Variants in HHAT observed in about 807,000 individuals in gnomAD.
HHAT encodes hedgehog acyltransferase, also known as protein-cysteine N-palmitoyltransferase HHAT.
HHAT carries 47 observed loss-of-function variants against 70.8 expected under a neutral mutation model. The ratio of observed to expected loss-of-function variants is 0.66; its 90% CI spans 0.53 to 0.85. The LOEUF is 0.85. Ranked by LOEUF, HHAT falls within the 40% of genes least tolerant of loss-of-function variation. The pLI is 0.00. For synonymous variants in HHAT, 228 were observed against 247.6 expected, an observed-to-expected ratio of 0.92 and a Z score of 0.74; for missense variants, 609 against 604.8, an observed-to-expected ratio of 1.01 and a Z score of -0.07.
chr1:210,581,240 G>A (rs975405965), intron 9 of HHAT, among the ~76,000 whole-genome samples: 1 of 152,162 alleles, frequency 6.6e-6, no homozygotes, highest in Admixed American at 6.5e-5. Context: ...GTTGTCAGAT[G>A]GGTAGATTGT....
chr1:210,499,619 G>A (rs368035309), intron 8 of HHAT, among the ~76,000 whole-genome samples: 37 of 149,082 alleles, frequency 2.5e-4, no homozygotes, highest in African/African-American at 9.1e-4. Context: ...CTCCAACCTG[G>A]GTGACAAAGA....
chr1:210,389,148 T>G (rs980732889), intron 4 of HHAT, among the ~76,000 whole-genome samples: 20 of 151,738 alleles, frequency 1.3e-4, no homozygotes, highest in African/African-American at 4.8e-4. Context: ...GAAAAGGAAT[T>G]TATACAGTTA....
intron 7 of HHAT, 83 bp from the exon 8 acceptor site, chr1:210,464,422 G>GCATA: frequency 7.2e-7 from 1 of 1,386,016 alleles, no homozygotes; most frequent in Admixed American, 1.7e-5. Context: ...GGGGCAGTTG[G>GCATA]CATAGCTCCT....
intron 11 of HHAT, among the ~76,000 whole-genome samples, chr1:210,627,009 G>A (rs1235123277): frequency 1.3e-5 from 2 of 152,144 alleles, no homozygotes; most frequent in African/African-American, 2.4e-5. Context: ...AGAGTGAAGC[G>A]AGTGAGAACG....
At chr1:210,629,560 T>C (rs1397985037) in intron 11 of HHAT, among the ~76,000 whole-genome samples, 1 of 152,224 alleles carries the variant, frequency 6.6e-6, no homozygotes, top group Non-Finnish European at 1.5e-5. Context: ...TTTATTTTTC[T>C]TACAGTTCCG....
intron 11 of HHAT, among the ~76,000 whole-genome samples, chr1:210,666,468 T>C (rs12126077): frequency 1.6e-3 from 249 of 152,234 alleles, no homozygotes; most frequent in Middle Eastern, 0.014. Context: ...CGAAGGTCCA[T>C]CATTATTTTA....
chr1:210,535,683 G>A (rs1035010136), intron 9 of HHAT, among the ~76,000 whole-genome samples: 3 of 152,064 alleles, frequency 2.0e-5, no homozygotes, highest in African/African-American at 4.8e-5. Context: ...GTGTGCATGC[G>A]TGCATGCATG....
chr1:210,414,607 AT>A (rs1042315588), intron 6 of HHAT, among the ~76,000 whole-genome samples: 6 of 152,206 alleles, frequency 3.9e-5, no homozygotes, highest in Non-Finnish European at 7.3e-5. Flanking sequence ...GATGCCAGGC[AT>A]TTGGAGAAGC....
At chr1:210,659,217 GA>G (rs1677116219) in intron 11 of HHAT, among the ~76,000 whole-genome samples, 1 of 152,012 alleles carries the variant, frequency 6.6e-6, no homozygotes, top group Admixed American at 6.6e-5. Flanking sequence ...GAAAACAGAA[GA>G]ATCAAATAGA....
rs1053153584 is a variant in HHAT, at chr1:210,438,270, T to C, written c.856+19945T>C. Among the ~76,000 whole-genome samples the C allele has an allele frequency of 5.3e-5, 8 of 151,818 alleles. 1 individual carries two copies. Among genetic ancestry groups the C allele is most frequent in the African/African-American group, 9.7e-5 (4 of 41,116 alleles). ...GGCTAGGTGGATCAGATAACTCTAG[T>C]TGATAATGGACCACTCAGGTAACAT... On this transcript the variant is annotated intron_variant, in intron 7 of 11. Transcript: ENST00000261458.
chr1:210,410,470 C>T (rs1039852621), intron 6 of HHAT, among the ~76,000 whole-genome samples: 1 of 141,734 alleles, frequency 7.1e-6, no homozygotes, highest in African/African-American at 2.7e-5. Context: ...TAAGTAAAAG[C>T]AAATAGAATG....
At chr1:210,328,897 C>T, upstream of HHAT, 1 of 726,738 alleles carries the variant, frequency 1.4e-6, no homozygotes, top group Non-Finnish European at 1.9e-6. Context: ...GCGCGGAGGG[C>T]GCGCGGGCAC....
intron 10 of HHAT, among the ~76,000 whole-genome samples, chr1:210,616,247 A>G (rs990724667): frequency 4.6e-5 from 7 of 152,048 alleles, no homozygotes; most frequent in African/African-American, 1.7e-4. Context: ...GTTATTAACT[A>G]TATAGTCACT....
At chr1:210,348,249 A>T (rs2086689209) in intron 1 of HHAT, among the ~76,000 whole-genome samples, 1 of 152,108 alleles carries the variant, frequency 6.6e-6, no homozygotes, top group African/African-American at 2.4e-5. Flanking sequence ...CATGGCAGAC[A>T]GCTGATTTTA....
chr1:210,561,800 A>G (rs2095625037), intron 9 of HHAT, among the ~76,000 whole-genome samples: 1 of 152,182 alleles, frequency 6.6e-6, no homozygotes, highest in Non-Finnish European at 1.5e-5. Context: ...AACATTTAAA[A>G]TCAATTCTTC....
At chr1:210,445,099 A>G (rs552667785) in intron 7 of HHAT, among the ~76,000 whole-genome samples, 1 of 152,314 alleles carries the variant, frequency 6.6e-6, no homozygotes, top group East Asian at 1.9e-4. Context: ...CGGCCTCCCA[A>G]AGTGCTGGGA....
chr1:210,420,472 G>A (rs140108656), intron 7 of HHAT, among the ~76,000 whole-genome samples: 4 of 152,062 alleles, frequency 2.6e-5, no homozygotes, highest in Non-Finnish European at 5.9e-5. Flanking sequence ...GAGCTCATGT[G>A]TAAGGGTTTC....
At chr1:210,663,205 A>G (rs1485513029) in intron 11 of HHAT, among the ~76,000 whole-genome samples, 1 of 152,204 alleles carries the variant, frequency 6.6e-6, no homozygotes, top group Non-Finnish European at 1.5e-5. Context: ...CACAGCGACA[A>G]GAAAGGGCGG....
intron 9 of HHAT, among the ~76,000 whole-genome samples, chr1:210,572,968 T>C (rs939118258): frequency 6.6e-6 from 1 of 152,174 alleles, no homozygotes; most frequent in Non-Finnish European, 1.5e-5. Context: ...GTTAACTTCA[T>C]GGCAGCAGAG....
Sources: gnomAD v4.1 joint callset for allele counts (sites outside exome capture counted in the v4.1 genomes callset) on GRCh38, gnomAD v4.1.1 for gene constraint, MANE v1.5 for transcripts, NCBI Gene and HGNC (gene_info 2026-07-23, HGNC 2026-07-21) for gene names.